The following SGPP2 variants were observed in gnomAD, a reference collection of about 807,000 sequenced individuals.
SGPP2 encodes sphingosine 1-phosphate phosphohydrolase 2.
In SGPP2, 30 loss-of-function variants were observed where a neutral mutation model predicts 33.9. The observed-to-expected ratio is 0.89, with a 90% CI of 0.66 to 1.20. The LOEUF is 1.20. Among genes scored for constraint, SGPP2 ranks in the 50% most tolerant of loss-of-function variants. The probability of loss-of-function intolerance (pLI) is 0.00; values close to 1 mark genes in which losing one functional copy is unlikely to be tolerated. For missense variants in SGPP2, 458 were observed against 532.1 expected (o/e 0.86, Z 1.37); for synonymous variants, 233 against 225.0 (o/e 1.04, Z -0.32).
intron 2 of SGPP2, among the ~76,000 whole-genome samples, chr2:222,497,088 A>G (rs1698292275): frequency 1.3e-5 from 2 of 152,154 alleles, no homozygotes; most frequent in Admixed American, 6.6e-5. Flanking sequence ...ATGGCTCCCC[A>G]TTAGCCCTGA....
At chr2:222,556,932 T>C (rs556290702) in intron 4 of SGPP2, among the ~76,000 whole-genome samples, 3 of 143,590 alleles carry the variant, frequency 2.1e-5, no homozygotes, top group South Asian at 4.6e-4. Context: ...TATCCACCCT[T>C]AGTCCTCCCC....
chr2:222,446,069 T>TC (rs1332778347), intron 1 of SGPP2, among the ~76,000 whole-genome samples: 3 of 152,198 alleles, frequency 2.0e-5, no homozygotes, highest in Admixed American at 6.5e-5. Context: ...GTCATGGGTC[T>TC]ACTCAATCTG....
chr2:222,475,574 C>A (rs1697921675), intron 2 of SGPP2, among the ~76,000 whole-genome samples: 1 of 152,188 alleles, frequency 6.6e-6, no homozygotes, highest in Non-Finnish European at 1.5e-5. Context: ...ACACATAAGG[C>A]AAAGCAGCTT....
chr2:222,428,785 CTTTTTT>C (rs58239129), intron 1 of SGPP2, among the ~76,000 whole-genome samples: 2 of 75,340 alleles, frequency 2.7e-5, no homozygotes, highest in Non-Finnish European at 4.9e-5. Flanking sequence ...ACATGGTTTT[CTTTTTT>C]TTTTTTTTTT....
chr2:222,454,377 T>G (rs887370827), intron 1 of SGPP2, among the ~76,000 whole-genome samples: 1 of 152,206 alleles, frequency 6.6e-6, no homozygotes, highest in Non-Finnish European at 1.5e-5. Context: ...GAAATGTGCT[T>G]ACAACTCTCT....
intron 1 of SGPP2, among the ~76,000 whole-genome samples, chr2:222,456,000 G>A (rs1697567961): frequency 6.6e-6 from 1 of 152,126 alleles, no homozygotes; most frequent in African/African-American, 2.4e-5. Flanking sequence ...GATTGCTTGA[G>A]CCCAGGAGTT....
chr2:222,543,450 T>C (rs528073858), intron 4 of SGPP2, among the ~76,000 whole-genome samples: 1 of 152,340 alleles, frequency 6.6e-6, no homozygotes, highest in African/African-American at 2.4e-5. Context: ...ATATATACTA[T>C]GTTTATTCCT....
intron 2 of SGPP2, among the ~76,000 whole-genome samples, chr2:222,491,608 T>C (rs923901072): frequency 6.6e-6 from 1 of 152,112 alleles, no homozygotes; most frequent in African/African-American, 2.4e-5. Flanking sequence ...ACCTGGTCCT[T>C]CCCTCAACAG....
chr2:222,470,116 G>A (rs868154927), intron 1 of SGPP2, among the ~76,000 whole-genome samples: 4 of 152,066 alleles, frequency 2.6e-5, no homozygotes, highest in Non-Finnish European at 5.9e-5. Flanking sequence ...GCCTGTCAGC[G>A]GGGTGGGGGG....
intron 1 of SGPP2, among the ~76,000 whole-genome samples, chr2:222,462,197 G>A (rs1379895588): frequency 6.6e-6 from 1 of 152,070 alleles, no homozygotes; most frequent in Non-Finnish European, 1.5e-5. Flanking sequence ...AGCAGATGGT[G>A]GCGGGGAACA....
chr2:222,457,974 G>A (rs1574840798), intron 1 of SGPP2, among the ~76,000 whole-genome samples: 1 of 152,330 alleles, frequency 6.6e-6, no homozygotes, highest in South Asian at 2.1e-4. Context: ...GCCTAAATCA[G>A]AAAGTCCAGG....
chr2:222,521,879 C>T lies in SGPP2; in HGVS notation c.491C>T (p.Ser164Phe), dbSNP rs761978960. Residue 164 changes from serine to phenylalanine, a missense_variant, in exon 3 of 5, where the codon TCC (serine) becomes TTC (phenylalanine). Transcript: ENST00000321276. ...KRLIAEYGMP[S>F]THAMAATAIA... ...CTGATCGCTGAATATGGAATGCCATCCACCCACGCCATGGCGGCCACTGCC... is the reference window on the plus strand; with the variant it reads ...CTGATCGCTGAATATGGAATGCCATTCACCCACGCCATGGCGGCCACTGCC... 1 of 1,609,384 alleles carries T rather than the reference C, an allele frequency of 6.2e-7. No homozygotes were observed. The highest frequency in any genetic ancestry group is 1.7e-5 in the Admixed American group (1 of 59,264).
intron 4 of SGPP2, among the ~76,000 whole-genome samples, chr2:222,539,984 G>A (rs1698967991): frequency 6.6e-6 from 1 of 152,126 alleles, no homozygotes; most frequent in South Asian, 2.1e-4. Context: ...GAAAAGACAA[G>A]AATGTGAATT....
chr2:222,544,558 T>A (rs548530699), intron 4 of SGPP2, among the ~76,000 whole-genome samples: 282 of 152,332 alleles, frequency 1.9e-3, no homozygotes, highest in African/African-American at 6.7e-3. Flanking sequence ...TCTAGATTAT[T>A]TACAGTTTCT....
chr2:222,515,909 G>A (rs1397491227), intron 2 of SGPP2, among the ~76,000 whole-genome samples: 2 of 152,100 alleles, frequency 1.3e-5, no homozygotes, highest in African/African-American at 2.4e-5. Flanking sequence ...GTATCCAGGT[G>A]TGGTAGCGCG....
chr2:222,535,580 A>T (rs953232340), intron 4 of SGPP2, among the ~76,000 whole-genome samples: 12 of 152,354 alleles, frequency 7.9e-5, no homozygotes, highest in African/African-American at 2.6e-4. Flanking sequence ...GCAGAGAGCC[A>T]CAGTCGAAAG....
chr2:222,450,775 A>G (rs938600841), intron 1 of SGPP2, among the ~76,000 whole-genome samples: 3 of 152,106 alleles, frequency 2.0e-5, no homozygotes, highest in Non-Finnish European at 4.4e-5. Flanking sequence ...GTTGGTACCA[A>G]ACCTTTGCCA....
At chr2:222,557,455 A>G (rs1162563992) in intron 4 of SGPP2, among the ~76,000 whole-genome samples, 1 of 152,256 alleles carries the variant, frequency 6.6e-6, no homozygotes, top group Non-Finnish European at 1.5e-5. Flanking sequence ...AGCAAGAAAA[A>G]TAAATAATGA....
At chr2:222,505,106 A>T (rs748903667) in intron 2 of SGPP2, among the ~76,000 whole-genome samples, 1 of 152,228 alleles carries the variant, frequency 6.6e-6, no homozygotes, top group African/African-American at 2.4e-5. Context: ...TTCAGATTCC[A>T]GAGAGCAAAA....
Sources: allele counts gnomAD v4.1 joint callset (sites outside exome capture counted in the v4.1 genomes callset), GRCh38; gene constraint gnomAD v4.1.1; transcripts MANE v1.5; gene names NCBI Gene and HGNC (gene_info 2026-07-23, HGNC 2026-07-21).